Variants in KIAA1217 observed in about 807,000 individuals in gnomAD.
The protein encoded by KIAA1217 is sickle tail protein homolog.
In KIAA1217, 88 loss-of-function variants were observed where a neutral mutation model predicts 163.9. The ratio of observed to expected loss-of-function variants is 0.54; its 90% CI spans 0.45 to 0.64. The LOEUF (loss-of-function observed/expected upper bound fraction) is 0.64. Among genes scored for constraint, KIAA1217 ranks in the 30% least tolerant of loss-of-function variants. The pLI, the probability that KIAA1217 is intolerant of heterozygous loss-of-function variation, is 0.00. For synonymous variants in KIAA1217, 903 were observed against 923.1 expected (o/e 0.98, Z 0.39); for missense variants, 2,372 against 2,475.0 (o/e 0.96, Z 0.88).
intron 3 of KIAA1217, among the ~76,000 whole-genome samples, chr10:24,399,041 G>C (rs541643038): frequency 1.3e-5 from 2 of 152,244 alleles, no homozygotes; most frequent in South Asian, 4.2e-4. Context: ...CTCCTGCCCC[G>C]CTCATGCCTG....
At chr10:24,406,274 T>C (rs1417843994) in intron 3 of KIAA1217, among the ~76,000 whole-genome samples, 1 of 152,190 alleles carries the variant, frequency 6.6e-6, no homozygotes, top group Non-Finnish European at 1.5e-5. Flanking sequence ...GAAAAAGTGG[T>C]ATTTTGAAGA....
At chr10:24,455,449 G>C (rs989184605) in intron 5 of KIAA1217, among the ~76,000 whole-genome samples, 5 of 152,108 alleles carry the variant, frequency 3.3e-5, no homozygotes, top group Middle Eastern at 3.2e-3. Flanking sequence ...TTAATTTTGC[G>C]CATTATTACA....
At chr10:24,040,945 C>T (rs1016204957) in intron 2 of KIAA1217, among the ~76,000 whole-genome samples, 1 of 152,182 alleles carries the variant, frequency 6.6e-6, no homozygotes, top group African/African-American at 2.4e-5. Flanking sequence ...ACTTTAATAA[C>T]GAAAAGCCAG....
intron 1 of KIAA1217, among the ~76,000 whole-genome samples, chr10:23,862,660 A>T (rs569271905): frequency 1.3e-5 from 2 of 152,290 alleles, no homozygotes; most frequent in Admixed American, 6.5e-5. Flanking sequence ...CCAATGTTAA[A>T]TTACTGGAGA....
rs201535111 is a variant in KIAA1217, at chr10:24,543,770, G to A, written c.4500G>A (p.Gln1500=). The change falls in exon 19 of 21, where the codon CAG becomes CAA. Residue 1500 remains glutamine (Q), a synonymous_variant. Coordinates refer to ENST00000376454, the MANE Select transcript of KIAA1217 (RefSeq NM_019590.5). ...DSVVQNNNTS[Q]MSHKKVAPGN... ...TAGTCCAGAATAATAACACTTCCCA[G>A]ATGTCTCATAAGAAGGTGGCCCCAG... The A allele has an allele frequency of 9.9e-5, 159 of 1,613,480 alleles. No homozygotes were observed. The highest frequency in any genetic ancestry group is 1.3e-4 in the Non-Finnish European group (154 of 1,179,742).
intron 1 of KIAA1217, among the ~76,000 whole-genome samples, chr10:23,934,170 A>G (rs1843374579): frequency 6.6e-6 from 1 of 152,182 alleles, no homozygotes; most frequent in African/African-American, 2.4e-5. Context: ...GGATAAGTAA[A>G]ATGTGGTACA....
At chr10:24,256,871 G>A (rs1367883542) in intron 2 of KIAA1217, among the ~76,000 whole-genome samples, 2 of 152,136 alleles carry the variant, frequency 1.3e-5, no homozygotes, top group Admixed American at 6.5e-5. Flanking sequence ...GGTCAACAGA[G>A]AATAACAACA....
chr10:23,711,527 G>T (rs1357314331), intron 1 of KIAA1217, among the ~76,000 whole-genome samples: 2 of 152,170 alleles, frequency 1.3e-5, no homozygotes, highest in Non-Finnish European at 2.9e-5. Flanking sequence ...CTGACCTATA[G>T]AACTCTAATG....
chr10:24,134,377 A>G (rs1476510584), intron 2 of KIAA1217, among the ~76,000 whole-genome samples: 2 of 152,194 alleles, frequency 1.3e-5, no homozygotes, highest in African/African-American at 4.8e-5. Flanking sequence ...AAATTAAGGT[A>G]GAAAGTGTTG....
chr10:24,050,213 T>C (rs913581445), intron 2 of KIAA1217, among the ~76,000 whole-genome samples: 6 of 152,236 alleles, frequency 3.9e-5, no homozygotes, highest in African/African-American at 1.4e-4. Flanking sequence ...TAGCCCTTTG[T>C]CAGATGGATA....
At chr10:24,512,831 C>G (rs1297635268) in intron 9 of KIAA1217, among the ~76,000 whole-genome samples, 1 of 152,204 alleles carries the variant, frequency 6.6e-6, no homozygotes, top group Non-Finnish European at 1.5e-5. Context: ...GATTCCCCAT[C>G]ATTAGAGGTA....
chr10:23,714,858 T>G (rs12356662), intron 1 of KIAA1217, among the ~76,000 whole-genome samples: 68 of 151,886 alleles, frequency 4.5e-4, no homozygotes, highest in African/African-American at 1.6e-3. Context: ...GACAGGTAGA[T>G]CTCCTCACCA....
intron 2 of KIAA1217, among the ~76,000 whole-genome samples, chr10:24,376,383 A>G (rs1409716109): frequency 2.0e-5 from 3 of 152,190 alleles, no homozygotes; most frequent in African/African-American, 4.8e-5. Flanking sequence ...CTTACAGATG[A>G]GATACCTGTG....
chr10:23,738,854 G>A (rs913657557), intron 1 of KIAA1217, among the ~76,000 whole-genome samples: 1 of 151,972 alleles, frequency 6.6e-6, no homozygotes, highest in Non-Finnish European at 1.5e-5. Context: ...CTTTCATGGC[G>A]GTTATATTAT....
intron 2 of KIAA1217, among the ~76,000 whole-genome samples, chr10:24,365,385 T>C (rs1188680977): frequency 6.9e-6 from 1 of 145,804 alleles, no homozygotes; most frequent in African/African-American, 2.6e-5. Context: ...TCTGTGATTT[T>C]CTGTGCTTTT....
chr10:24,181,745 A>G (rs2066180421), intron 2 of KIAA1217, among the ~76,000 whole-genome samples: 1 of 152,220 alleles, frequency 6.6e-6, no homozygotes, highest in Admixed American at 6.5e-5. Context: ...TAGGAGATAG[A>G]TTAGATGGAA....
chr10:24,215,121 T>G (rs995915535), intron 1 of KIAA1217, among the ~76,000 whole-genome samples: 2 of 152,232 alleles, frequency 1.3e-5, no homozygotes, highest in Admixed American at 1.3e-4. Flanking sequence ...AATCCTAGCC[T>G]GGGAGCTCCT....
At chr10:23,795,340 A>G (rs1051688312) in intron 1 of KIAA1217, among the ~76,000 whole-genome samples, 3 of 152,118 alleles carry the variant, frequency 2.0e-5, no homozygotes, top group Admixed American at 1.3e-4. Flanking sequence ...CTTGTTGCCA[A>G]ATTGAACTTG....
intron 2 of KIAA1217, among the ~76,000 whole-genome samples, chr10:24,078,723 A>C (rs1309764384): frequency 6.6e-6 from 1 of 152,114 alleles, no homozygotes; most frequent in Admixed American, 6.5e-5. Flanking sequence ...TTGCATATGG[A>C]GATATGCAAG....
Sources: gnomAD v4.1 joint callset for allele counts (sites outside exome capture counted in the v4.1 genomes callset) on GRCh38, gnomAD v4.1.1 for gene constraint, MANE v1.5 for transcripts, NCBI Gene and HGNC (gene_info 2026-07-23, HGNC 2026-07-21) for gene names.